Variants in SYN3 observed in about 807,000 individuals in gnomAD.
The protein encoded by SYN3 is synapsin-3.
SYN3 carries 35 observed loss-of-function variants against 65.8 expected under a neutral mutation model. The ratio of observed to expected loss-of-function variants is 0.53; its 90% CI spans 0.41 to 0.70. SYN3 has a LOEUF of 0.70. Ranked by LOEUF, SYN3 falls within the 30% of genes least tolerant of loss-of-function variation. SYN3 has a pLI of 0.00. For missense variants in SYN3, 680 were observed against 749.0 expected, an observed-to-expected ratio of 0.91 and a Z score of 1.08; for synonymous variants, 270 against 292.9, an observed-to-expected ratio of 0.92 and a Z score of 0.80.
intron 6 of SYN3, among the ~76,000 whole-genome samples, chr22:32,770,367 T>C (rs1453670058): frequency 1.3e-5 from 2 of 152,150 alleles, no homozygotes; most frequent in East Asian, 3.9e-4. Context: ...TGACTTCCCA[T>C]CTCCCACTGA....
At chr22:32,706,563 A>T (rs2060883233) in intron 6 of SYN3, among the ~76,000 whole-genome samples, 1 of 152,260 alleles carries the variant, frequency 6.6e-6, no homozygotes, top group African/African-American at 2.4e-5. Flanking sequence ...CAATGTTAAC[A>T]GGAATTCTTC....
chr22:32,869,350 C>CTCTCTCTCTCTCTCTT (rs2048781184), intron 4 of SYN3, among the ~76,000 whole-genome samples: 1 of 148,870 alleles, frequency 6.7e-6, no homozygotes, highest in Non-Finnish European at 1.5e-5. Context: ...CTCTCTCTCT[C>CTCTCTCTCTCTCTCTT]TCTCTCTCTC....
intron 6 of SYN3, among the ~76,000 whole-genome samples, chr22:32,631,853 A>G (rs1363722369): frequency 6.6e-6 from 1 of 152,218 alleles, no homozygotes; most frequent in East Asian, 1.9e-4. Flanking sequence ...CAGCATGATC[A>G]GACTCCAGCA....
At chr22:32,711,853 T>C (rs2060970641) in intron 6 of SYN3, among the ~76,000 whole-genome samples, 1 of 152,214 alleles carries the variant, frequency 6.6e-6, no homozygotes, top group South Asian at 2.1e-4. Flanking sequence ...TTCCAGGAGT[T>C]GGTCTGTGGG....
chr22:33,045,751 A>G (rs912871513), intron 1 of SYN3, among the ~76,000 whole-genome samples: 2 of 151,930 alleles, frequency 1.3e-5, no homozygotes, highest in Non-Finnish European at 2.9e-5. Context: ...CAAAAAAGAA[A>G]TTCTTTTTTA....
intron 6 of SYN3, among the ~76,000 whole-genome samples, chr22:32,710,158 A>T (rs1197654509): frequency 6.7e-6 from 1 of 149,362 alleles, no homozygotes; most frequent in Non-Finnish European, 1.5e-5. Flanking sequence ...ATATTTCCAG[A>T]TATGCCCTGA....
Position 32,988,432 on chromosome 22 carries a change from T to G in SYN3, c.312-7730A>C, listed in dbSNP as rs1439217527. On this transcript the variant is annotated intron_variant, in intron 2 of 13. Coordinates refer to ENST00000358763, the MANE Select transcript of SYN3 (RefSeq NM_003490.4). Reference sequence around the variant, plus strand: ...ATAAGATGTGGGGTGCAGGGGAAATTGGACTTCAGTTGGTAGAAAAGGCTT... The same window carrying G: ...ATAAGATGTGGGGTGCAGGGGAAATGGGACTTCAGTTGGTAGAAAAGGCTT... Among the ~76,000 whole-genome samples, 11 of 151,886 alleles carry G rather than the reference T, an allele frequency of 7.2e-5. No homozygotes were observed. In the East Asian group the frequency reaches 2.1e-3, roughly 29 times the overall value.
At chr22:32,693,600 T>TTTG (rs2060696717) in intron 6 of SYN3, among the ~76,000 whole-genome samples, 1 of 140,630 alleles carries the variant, frequency 7.1e-6, no homozygotes, top group African/African-American at 2.8e-5. Flanking sequence ...TTGTTTTTTT[T>TTTG]TTTTTTTTTT....
chr22:32,865,414 G>A (rs747398337), intron 5 of SYN3, among the ~76,000 whole-genome samples: 2 of 152,128 alleles, frequency 1.3e-5, no homozygotes, highest in Non-Finnish European at 2.9e-5. Context: ...GCCTTCCTGG[G>A]TTCAAATTCT....
intron 6 of SYN3, among the ~76,000 whole-genome samples, chr22:32,630,277 CG>C (rs953279624): frequency 7.9e-5 from 12 of 152,112 alleles, no homozygotes; most frequent in Admixed American, 6.5e-4. Context: ...CCACCACACC[CG>C]GCCGTATGTA....
intron 3 of SYN3, among the ~76,000 whole-genome samples, chr22:32,951,932 G>A (rs951804473): frequency 1.3e-5 from 2 of 152,174 alleles, no homozygotes; most frequent in East Asian, 1.9e-4. Context: ...CTGCTCCACC[G>A]ATGGCAGACA....
rs372853933 is a variant in SYN3, at chr22:32,969,461, G to A, written c.369+11184C>T. Among the ~76,000 whole-genome samples the A allele has an allele frequency of 6.6e-5, 10 of 152,290 alleles. 1 individual carries two copies. The East Asian group carries it at 1.7e-3, about 26-fold the overall frequency. Reference sequence around the variant, plus strand: ...AGAAGAAGGCTTCTCACAGGTAAACGTGAAAAACATAAACTTCATTTGTTT... The same window carrying A: ...AGAAGAAGGCTTCTCACAGGTAAACATGAAAAACATAAACTTCATTTGTTT... On this transcript the variant is annotated intron_variant, in intron 3 of 13. Coordinates refer to ENST00000358763, the MANE Select transcript of SYN3 (RefSeq NM_003490.4).
chr22:32,567,748 C>A (rs1389081311), intron 7 of SYN3, among the ~76,000 whole-genome samples: 1 of 152,144 alleles, frequency 6.6e-6, no homozygotes, highest in East Asian at 1.9e-4. Context: ...CAGCACGTGA[C>A]CAGCCCGAGG....
In SYN3 at chr22:32,868,534, G is replaced by A. The variant is rs533005475; in HGVS notation, c.621+432C>T. On this transcript the variant is annotated intron_variant, in intron 5 of 13. Coordinates refer to ENST00000358763, the MANE Select transcript of SYN3 (RefSeq NM_003490.4). ...CGGCTCACCACAACCTCCGCCTCCC[G>A]GGTTCAAGCGATTCTCCTGCCTCAG... Among the ~76,000 whole-genome samples, 17 of 151,880 alleles carry A rather than the reference G, an allele frequency of 1.1e-4. No homozygotes were observed. In the East Asian group the frequency reaches 3.1e-3, roughly 28 times the overall value.
At position 32,511,017 on chromosome 22, in the gene SYN3, A is replaced by G. The variant is rs201760880; in HGVS notation, c.*2675T>C. 1.9e-4 allele frequency among the ~76,000 whole-genome samples: 13 copies of G among 67,546 alleles called. No individual in the cohort carries two copies. Among genetic ancestry groups the G allele is most frequent in the Admixed American group, 3.7e-4 (3 of 8,076 alleles). 44.3% of individuals were successfully genotyped at this position (67,546 alleles called of 152,430 possible). On this transcript the variant is annotated 3_prime_UTR_variant, in exon 14 of 14. Transcript: ENST00000358763. Reference sequence around the variant, plus strand: ...TGTGTGTGTGTGTGTGTGTGTGTGTAAGGGGACTCCTAGAATCACTGGCTA... The same window carrying G: ...TGTGTGTGTGTGTGTGTGTGTGTGTGAGGGGACTCCTAGAATCACTGGCTA...
rs147022663 is a variant in SYN3 at position 32,600,035 on chromosome 22, G to A, written c.712-3299C>T. Among the ~76,000 whole-genome samples, 9 of 152,302 alleles carry A rather than the reference G, an allele frequency of 5.9e-5. No homozygotes were observed. The East Asian group carries it at 1.7e-3, about 29-fold the overall frequency. ...ATTTTTACACGAACTAGAGGGGGAT[G>A]AGGGGATGGTTTTAGGATGATTCCA... is the stretch of plus-strand genomic sequence containing the variant. On this transcript the variant is annotated intron_variant, in intron 6 of 13. Coordinates refer to ENST00000358763, the MANE Select transcript of SYN3 (RefSeq NM_003490.4).
At chr22:32,864,796 G>T in intron 6 of SYN3, 119 bp downstream of exon 6, 1 of 887,206 alleles carries the variant, frequency 1.1e-6, no homozygotes, top group Non-Finnish European at 1.8e-6. Context: ...CCGCCTTAGA[G>T]TCTGCGTGGT....
chr22:32,898,558 C>A (rs941065568), intron 4 of SYN3, among the ~76,000 whole-genome samples: 1 of 152,208 alleles, frequency 6.6e-6, no homozygotes, highest in African/African-American at 2.4e-5. Context: ...GGGCTTGACA[C>A]ATAGGTGCTC....
intron 6 of SYN3, among the ~76,000 whole-genome samples, chr22:32,720,929 G>A (rs1012053255): frequency 1.2e-4 from 19 of 152,236 alleles, no homozygotes; most frequent in East Asian, 3.9e-4. Context: ...TTCCCCTGCC[G>A]TTGAAATAGC....
Sources: gnomAD v4.1 joint callset for allele counts (sites outside exome capture counted in the v4.1 genomes callset) on GRCh38, gnomAD v4.1.1 for gene constraint, MANE v1.5 for transcripts, NCBI Gene and HGNC (gene_info 2026-07-23, HGNC 2026-07-21) for gene names.